The following SGK3 variants were observed in gnomAD, a reference collection of about 807,000 sequenced individuals.
The protein encoded by SGK3 is serum/glucocorticoid regulated kinase family member 3, also known as serine/threonine-protein kinase Sgk3.
A neutral mutation model predicts 68.5 loss-of-function variants in SGK3; 47 were observed. That is an observed-to-expected ratio of 0.69 (90% CI 0.54 to 0.87). The LOEUF (loss-of-function observed/expected upper bound fraction) is 0.87, where lower values mean the gene tolerates loss of function less well. SGK3 is among the 40% of genes least tolerant of loss of function. SGK3 has a pLI of 0.00. For missense variants in SGK3, 479 were observed against 575.5 expected (o/e 0.83, Z 1.72); for synonymous variants, 181 against 189.1 (o/e 0.96, Z 0.35).
intron 1 of SGK3, among the ~76,000 whole-genome samples, chr8:66,714,984 C>A (rs945661211): frequency 2.6e-5 from 4 of 152,184 alleles, no homozygotes; most frequent in Non-Finnish European, 1.5e-5. Flanking sequence ...CAAAACATGT[C>A]TCTCAAAATA....
intron 1 of SGK3, among the ~76,000 whole-genome samples, chr8:66,749,798 G>T (rs1805759095): frequency 6.6e-6 from 1 of 151,956 alleles, no homozygotes; most frequent in Non-Finnish European, 1.5e-5. Flanking sequence ...GAAATATAAA[G>T]ATATGAGACA....
chr8:66,732,898 T>C (rs1469438476), intron 1 of SGK3, among the ~76,000 whole-genome samples: 1 of 152,182 alleles, frequency 6.6e-6, no homozygotes, highest in African/African-American at 2.4e-5. Context: ...AAAGCAAATA[T>C]ACACATTGCA....
intron 1 of SGK3, among the ~76,000 whole-genome samples, chr8:66,770,998 C>G (rs571606288): frequency 6.6e-6 from 1 of 152,110 alleles, no homozygotes; most frequent in East Asian, 1.9e-4. Context: ...CAGCCTGATA[C>G]CCAGTATCTT....
chr8:66,821,747 G>A (rs1280954158), intron 5 of SGK3, among the ~76,000 whole-genome samples: 5 of 141,004 alleles, frequency 3.5e-5, no homozygotes, highest in South Asian at 2.2e-4. Flanking sequence ...GGATGGTCTC[G>A]ATCTCCTGAC....
At chr8:66,773,994 C>T (rs373081844) in intron 1 of SGK3, among the ~76,000 whole-genome samples, 18 of 152,068 alleles carry the variant, frequency 1.2e-4, no homozygotes, top group Admixed American at 7.9e-4. Context: ...GCCGGAGATC[C>T]CTGAAGCTTT....
chr8:66,851,879 T>C (rs1810302658), intron 16 of SGK3, among the ~76,000 whole-genome samples: 1 of 152,198 alleles, frequency 6.6e-6, no homozygotes, highest in South Asian at 2.1e-4. Flanking sequence ...TGTTATAATA[T>C]ATAATTTACT....
intron 1 of SGK3, among the ~76,000 whole-genome samples, chr8:66,727,537 A>G (rs1165607438): frequency 6.6e-6 from 1 of 152,192 alleles, no homozygotes; most frequent in Non-Finnish European, 1.5e-5. Context: ...ATACAACAGC[A>G]TTGGGAGGTG....
In SGK3 at chr8:66,835,843, A is replaced by C; in HGVS notation, c.606A>C (p.Lys202Asn). ...AGAAAAAAATAGTTCTCAACAGAAA[A>C]GAGGTAAAATAAAATAGTTGTTTCT... The part of the protein sequence containing the change: ...VLQKKIVLNR[K>N]EQKHIMAERN... The change falls in exon 9 of 17, where the codon AAA (lysine) becomes AAC (asparagine). Residue 202 changes from lysine (K) to asparagine (N), a missense_variant. This residue lies in a region of SGK3 where 298 missense variants were observed against 329.4 expected (regional missense o/e 0.90). Coordinates refer to ENST00000521198, the MANE Select transcript of SGK3 (RefSeq NM_001033578.3). 1.2e-6 allele frequency: 2 copies of C among 1,610,544 alleles called. No individual in the cohort carries two copies. Among genetic ancestry groups the C allele is most frequent in the Admixed American group, 1.7e-5 (1 of 59,190 alleles).
chr8:66,854,216 T>C (rs1009399575), intron 16 of SGK3, among the ~76,000 whole-genome samples: 1 of 152,248 alleles, frequency 6.6e-6, no homozygotes, highest in Non-Finnish European at 1.5e-5. Flanking sequence ...GCTAATAGTT[T>C]ACAGTTCTGT....
chr8:66,757,359 G>A (rs774345627), intron 1 of SGK3, among the ~76,000 whole-genome samples: 19 of 151,464 alleles, frequency 1.3e-4, no homozygotes, highest in Non-Finnish European at 2.5e-4. Context: ...AGCTGGTCTC[G>A]AACTCCTGGG....
chr8:66,800,972 A>G (rs1293532991), intron 3 of SGK3, among the ~76,000 whole-genome samples: 1 of 152,190 alleles, frequency 6.6e-6, no homozygotes. Flanking sequence ...CTGTCTCAAA[A>G]CAAAAACAAG....
chr8:66,824,407 G>T (rs901590358), intron 6 of SGK3, among the ~76,000 whole-genome samples: 1 of 152,052 alleles, frequency 6.6e-6, no homozygotes, highest in Admixed American at 6.6e-5. Flanking sequence ...AATGTTGAAC[G>T]TTGATGCTAT....
At chr8:66,719,144 A>T (rs1300211361) in intron 1 of SGK3, among the ~76,000 whole-genome samples, 3 of 152,066 alleles carry the variant, frequency 2.0e-5, no homozygotes, top group Admixed American at 2.0e-4. Context: ...AAAAAAATAC[A>T]TCCTCTCCAC....
intron 1 of SGK3, among the ~76,000 whole-genome samples, chr8:66,759,082 T>C (rs548058203): frequency 3.4e-4 from 50 of 145,466 alleles, no homozygotes; most frequent in Admixed American, 2.9e-3. Flanking sequence ...CTTTTCTTCT[T>C]TTTTTTTTTT....
At position 66,843,454 on chromosome 8, in the gene SGK3, T is replaced by C. The variant is rs142484024; in HGVS notation, c.981T>C (p.Tyr327=). ...TTTTFCGTPE[Y]LAPEVIRKQP... ...TAATATTTTATTGTTTTCTATAGTATCTTGCACCTGAAGTAATTAGAAAAC... is the reference window on the plus strand; with the variant it reads ...TAATATTTTATTGTTTTCTATAGTACCTTGCACCTGAAGTAATTAGAAAAC... Residue 327 remains tyrosine (Y), a splice_region_variant and synonymous_variant, in exon 14 of 17, where the codon TAT becomes TAC. Transcript: ENST00000521198. 9 of 1,612,948 alleles carry C rather than the reference T, an allele frequency of 5.6e-6. No homozygotes were observed. Among genetic ancestry groups the C allele is most frequent in the Non-Finnish European group, 7.6e-6 (9 of 1,179,756 alleles).
chr8:66,848,535 A>G (rs1393972804), intron 15 of SGK3, among the ~76,000 whole-genome samples: 7 of 152,232 alleles, frequency 4.6e-5, no homozygotes, highest in Non-Finnish European at 8.8e-5. Flanking sequence ...GCTTCCTGCT[A>G]TCAAATCCAC....
intron 15 of SGK3, 123 bp downstream of exon 15, chr8:66,847,471 A>C: frequency 7.1e-7 from 1 of 1,411,918 alleles, no homozygotes; most frequent in East Asian, 2.5e-5. Flanking sequence ...AACATGGAAA[A>C]AAAGCATACT....
At position 66,810,974 on chromosome 8, in the gene SGK3, C is replaced by T. The variant is rs188079999; in HGVS notation, c.254-2879C>T. 4.4e-3 allele frequency among the ~76,000 whole-genome samples: 665 copies of T among 152,158 alleles called. 5 individuals are homozygous for T. Among genetic ancestry groups the T allele is most frequent in the African/African-American group, 0.015 (619 of 41,516 alleles). ...TGTTAACATTTTATTATGAATTTAA[C>T]GACTTTTTAATAGGATGCACCCAGA... On this transcript the variant is annotated intron_variant, in intron 4 of 16. Coordinates refer to ENST00000521198, the MANE Select transcript of SGK3 (RefSeq NM_001033578.3).
At chr8:66,819,358 C>G (rs183902441) in intron 5 of SGK3, among the ~76,000 whole-genome samples, 1 of 152,034 alleles carries the variant, frequency 6.6e-6, no homozygotes, top group Admixed American at 6.6e-5. Context: ...ATAATTCAGA[C>G]GAGTAATTTT....
Sources: allele counts gnomAD v4.1 joint callset (sites outside exome capture counted in the v4.1 genomes callset), GRCh38; gene constraint gnomAD v4.1.1; regional missense constraint gnomAD v4.1.1; transcripts MANE v1.5; gene names NCBI Gene and HGNC (gene_info 2026-07-23, HGNC 2026-07-21).